Variants in RECK observed in about 807,000 individuals in gnomAD.
RECK encodes the protein reversion-inducing cysteine-rich protein with Kazal motifs.
In RECK, 69 loss-of-function variants were observed where a neutral mutation model predicts 115.1. The ratio of observed to expected loss-of-function variants is 0.60; its 90% CI spans 0.49 to 0.73. RECK has a LOEUF of 0.73. Among genes scored for constraint, RECK ranks in the 30% least tolerant of loss-of-function variants. The pLI is 0.00. For missense variants in RECK, 1,047 were observed against 1,203.7 expected (o/e 0.87, Z 1.93); for synonymous variants, 414 against 419.7 (o/e 0.99, Z 0.17).
intron 5 of RECK, 105 bp downstream of exon 5, chr9:36,063,985 C>G: frequency 9.6e-7 from 1 of 1,038,114 alleles, no homozygotes. Context: ...AGAGGTAACC[C>G]GTAAAAACTG....
At chr9:36,038,285 C>A (rs1323663261) in intron 1 of RECK, among the ~76,000 whole-genome samples, 1 of 151,920 alleles carries the variant, frequency 6.6e-6, no homozygotes, top group Admixed American at 6.6e-5. Context: ...GGAAGTGAGA[C>A]CCTGTCTCAA....
At chr9:36,067,952 C>T (rs1291131424) in intron 6 of RECK, among the ~76,000 whole-genome samples, 1 of 152,066 alleles carries the variant, frequency 6.6e-6, no homozygotes, top group Non-Finnish European at 1.5e-5. Flanking sequence ...ATCAAAAATG[C>T]ACATGGCTTA....
rs139606777 is a variant in RECK at position 36,061,233 on chromosome 9, TA to T, written c.271+1088del. 7.4e-5 allele frequency among the ~76,000 whole-genome samples: 11 copies of T among 148,142 alleles called. 2 individuals carry two copies. In the Middle Eastern group the frequency reaches 0.014, roughly 187 times the overall value. On this transcript the variant is annotated intron_variant, in intron 4 of 20. Coordinates refer to ENST00000377966, the MANE Select transcript of RECK (RefSeq NM_021111.3). The stretch of plus-strand genomic sequence containing the variant: ...CCAGCCCTGGATAGAGCTAATTTCT[TA>T]AAAAAAAAAGAGTATACCTTATGTA...
intron 1 of RECK, among the ~76,000 whole-genome samples, chr9:36,044,663 G>T (rs1322662180): frequency 6.6e-6 from 1 of 152,116 alleles, no homozygotes; most frequent in Non-Finnish European, 1.5e-5. Context: ...AGAATAGTAG[G>T]GTCTTAAATA....
At chr9:36,117,252 C>A in intron 17 of RECK, 75 bp downstream of exon 17, 1 of 1,197,838 alleles carries the variant, frequency 8.3e-7, no homozygotes, top group Admixed American at 2.5e-5. Context: ...GATGAATCAA[C>A]AGTAAGACCA....
intron 4 of RECK, among the ~76,000 whole-genome samples, chr9:36,063,303 G>C (rs1215791397): frequency 1.3e-5 from 2 of 152,034 alleles, no homozygotes; most frequent in Non-Finnish European, 2.9e-5. Context: ...CACAAAAATT[G>C]CCCCTATTTA....
intron 6 of RECK, among the ~76,000 whole-genome samples, chr9:36,073,917 G>C (rs1010701775): frequency 1.3e-5 from 2 of 152,156 alleles, no homozygotes; most frequent in South Asian, 4.1e-4. Flanking sequence ...AGTACTGCTT[G>C]TTAAATATTC....
At chr9:36,107,467 T>G (rs1245910068) in intron 13 of RECK, among the ~76,000 whole-genome samples, 1 of 151,844 alleles carries the variant, frequency 6.6e-6, no homozygotes, top group Non-Finnish European at 1.5e-5. Context: ...TAGCTGGGTG[T>G]GGTGGCACAC....
At position 36,052,334 on chromosome 9, in the gene RECK, A is replaced by G. The variant is rs755557754; in HGVS notation, c.159+11A>G. The G allele has an allele frequency of 1.3e-6, 2 of 1,595,406 alleles. No homozygotes were observed. Among genetic ancestry groups the G allele is most frequent in the Non-Finnish European group, 1.7e-6 (2 of 1,163,492 alleles). ...GATGTATGTGAACAGGTAAGATTAC[A>G]TAATAATTACAGAGGCAGCCAGACA... On this transcript the variant is annotated intron_variant, in intron 2 of 20. Transcript: ENST00000377966.
At chr9:36,078,251 T>A (rs1226150546) in intron 6 of RECK, among the ~76,000 whole-genome samples, 1 of 152,240 alleles carries the variant, frequency 6.6e-6, no homozygotes, top group East Asian at 1.9e-4. Context: ...TTCTATTAAA[T>A]AAGGAAGTTG....
chr9:36,058,870 A>G lies in RECK; in HGVS notation c.203A>G (p.Gln68Arg). 6.3e-7 allele frequency: 1 copy of G among 1,591,324 alleles called. No homozygotes were observed. Among genetic ancestry groups the G allele is most frequent in the Non-Finnish European group, 8.6e-7 (1 of 1,166,892 alleles). The part of the protein sequence containing the change: ...KSESRLKHLL[Q>R]RAPDYCPETM... ...GAATCCCGACTAAAACATCTGTTGC[A>G]GCGAGCCCCAGATTATTGCCCAGAG... is the stretch of plus-strand genomic sequence containing the variant. Residue 68 changes from glutamine (Q) to arginine (R), a missense_variant, in exon 3 of 21, where the codon CAG becomes CGG. Transcript: ENST00000377966.
chr9:36,053,790 TTA>T (rs1821405482), intron 2 of RECK, among the ~76,000 whole-genome samples: 1 of 152,126 alleles, frequency 6.6e-6, no homozygotes, highest in Non-Finnish European at 1.5e-5. Context: ...ATGCTAGAAA[TTA>T]TATAACTTAG....
At chr9:36,083,659 A>G in intron 8 of RECK, 97 bp downstream of exon 8, 1 of 1,265,310 alleles carries the variant, frequency 7.9e-7, no homozygotes. Context: ...AGTCTGGGTC[A>G]TTTGAGAAAT....
At chr9:36,081,235 T>C (rs1490040401) in intron 7 of RECK, among the ~76,000 whole-genome samples, 2 of 152,116 alleles carry the variant, frequency 1.3e-5, no homozygotes, top group Non-Finnish European at 2.9e-5. Context: ...GGAAAACACA[T>C]GTAAGGAACA....
In RECK at chr9:36,065,925, C is replaced by T. The variant is rs567651305; in HGVS notation, c.405+301C>T. Among the ~76,000 whole-genome samples the T allele has an allele frequency of 7.0e-4, 106 of 152,208 alleles. 2 individuals are homozygous for T. Among genetic ancestry groups the T allele is most frequent in the South Asian group, 6.4e-3 (31 of 4,816 alleles). ...CCCAAGGTTGTGAAATAGTTTTTCT[C>T]GTGTTTCATGTTCTCTTTTGTCTCA... On this transcript the variant is annotated intron_variant, in intron 6 of 20. Transcript: ENST00000377966.
At chr9:36,122,323 G>A (rs1172191704) in intron 20 of RECK, among the ~76,000 whole-genome samples, 1 of 152,166 alleles carries the variant, frequency 6.6e-6, no homozygotes, top group African/African-American at 2.4e-5. Context: ...CATTAAAATT[G>A]TATTCTGTGT....
At position 36,094,348 on chromosome 9, in the gene RECK, G is replaced by A. The variant is rs1314816667; in HGVS notation, c.1085+3005G>A. On this transcript the variant is annotated intron_variant, in intron 10 of 20. Coordinates refer to ENST00000377966, the MANE Select transcript of RECK (RefSeq NM_021111.3). This position sits in a 1 kb window ranked among gnomAD's most constrained non-coding sequence, Gnocchi z 4.1. ...TAAGAGAGAGGTAAATAATTATACC[G>A]TTATAAGTTTCTTACATTATTTGTG... 1.3e-5 allele frequency among the ~76,000 whole-genome samples: 2 copies of A among 151,958 alleles called. No individual in the cohort carries two copies. Among genetic ancestry groups the A allele is most frequent in the Non-Finnish European group, 2.9e-5 (2 of 67,958 alleles).
rs753800588 is a variant in RECK, at chr9:36,108,107, A to G, written c.1708A>G (p.Met570Val). The G allele has an allele frequency of 1.5e-5, 24 of 1,614,004 alleles. No individual in the cohort carries two copies. The highest frequency in any genetic ancestry group is 2.0e-5 in the Non-Finnish European group (24 of 1,179,974). Reference sequence around the variant, plus strand: ...ACAAAGTGGACTCTTAGAAAACTGTATGGAAATGCACTGTATAGACCTCCA... The same window carrying G: ...ACAAAGTGGACTCTTAGAAAACTGTGTGGAAATGCACTGTATAGACCTCCA... ...CGQSGLLENC[M>V]EMHCIDLQKS... The change falls in exon 14 of 21, where the codon ATG (methionine) becomes GTG (valine). Residue 570 changes from methionine (M) to valine (V), a missense_variant. Physicochemically the swap from Met to Val is conservative, Grantham distance 21. Coordinates refer to ENST00000377966, the MANE Select transcript of RECK (RefSeq NM_021111.3).
chr9:36,073,221 GAC>G (rs1320843934), intron 6 of RECK, among the ~76,000 whole-genome samples: 2 of 134,256 alleles, frequency 1.5e-5, no homozygotes, highest in East Asian at 2.3e-4. Flanking sequence ...GCAACACACA[GAC>G]ACACACAGAC....
Sources: allele counts gnomAD v4.1 joint callset (sites outside exome capture counted in the v4.1 genomes callset), GRCh38; gene constraint gnomAD v4.1.1; non-coding constraint Gnocchi (gnomAD v3.1); transcripts MANE v1.5; gene names NCBI Gene and HGNC (gene_info 2026-07-23, HGNC 2026-07-21).